Variants in ABHD17C observed in about 807,000 individuals in gnomAD.
The protein encoded by ABHD17C is abhydrolase domain containing 17C, depalmitoylase.
ABHD17C carries 11 observed loss-of-function variants against 27.9 expected under a neutral mutation model. The observed-to-expected ratio is 0.39, with a 90% confidence interval of 0.25 to 0.65. ABHD17C has a LOEUF of 0.65. Among genes scored for constraint, ABHD17C ranks in the 30% least tolerant of loss-of-function variants. The pLI, the probability that ABHD17C is intolerant of heterozygous loss-of-function variation, is 0.45. For missense variants in ABHD17C, 280 were observed against 470.2 expected (o/e 0.60, Z 3.74); for synonymous variants, 233 against 209.1 (o/e 1.11, Z -0.98).
At chr15:80,729,516 G>A (rs955439596) in intron 1 of ABHD17C, among the ~76,000 whole-genome samples, 7 of 152,060 alleles carry the variant, frequency 4.6e-5, no homozygotes, top group African/African-American at 1.7e-4. Context: ...TGTTAATACT[G>A]TATAGAAGAT....
chr15:80,742,294 G>A (rs1243802581), intron 1 of ABHD17C, among the ~76,000 whole-genome samples: 1 of 152,142 alleles, frequency 6.6e-6, no homozygotes, highest in Non-Finnish European at 1.5e-5. Context: ...GGAGCTGATG[G>A]TGCTGCATTC....
intron 1 of ABHD17C, among the ~76,000 whole-genome samples, chr15:80,740,860 G>A (rs1895199485): frequency 6.6e-6 from 1 of 152,116 alleles, no homozygotes; most frequent in Admixed American, 6.5e-5. Context: ...TAGTCTCACT[G>A]GTGAGAATGA....
intron 1 of ABHD17C, among the ~76,000 whole-genome samples, chr15:80,723,598 C>T (rs565700350): frequency 6.6e-6 from 1 of 152,344 alleles, no homozygotes; most frequent in East Asian, 1.9e-4. Context: ...CTAGTACACA[C>T]TAAATGACTC....
intron 1 of ABHD17C, among the ~76,000 whole-genome samples, chr15:80,719,034 T>TATTAGGTATTAGG (rs1164714347): frequency 6.6e-6 from 1 of 152,216 alleles, no homozygotes; most frequent in African/African-American, 2.4e-5. Context: ...TAAGATGTGT[T>TATTAGGTATTAGG]ATTAGGTATT....
chr15:80,723,380 G>A (rs1165653854), intron 1 of ABHD17C, among the ~76,000 whole-genome samples: 2 of 152,112 alleles, frequency 1.3e-5, no homozygotes, highest in Admixed American at 6.6e-5. Flanking sequence ...CTCCATGGGT[G>A]AGACTGTCCT....
intron 1 of ABHD17C, among the ~76,000 whole-genome samples, chr15:80,738,462 A>G (rs1485883111): frequency 6.6e-6 from 1 of 152,182 alleles, no homozygotes. Context: ...CGGGTTCACA[A>G]ACCAAACAGA....
chr15:80,705,333 T>G (rs901633550), intron 1 of ABHD17C, among the ~76,000 whole-genome samples: 2 of 106,822 alleles, frequency 1.9e-5, no homozygotes, highest in Non-Finnish European at 3.8e-5. Flanking sequence ...TTCCTATGAT[T>G]TGTGTGTGTG....
intron 1 of ABHD17C, among the ~76,000 whole-genome samples, chr15:80,708,472 C>T (rs760382507): frequency 1.1e-4 from 16 of 152,152 alleles, no homozygotes; most frequent in Admixed American, 2.0e-4. Context: ...TGTGCCACCA[C>T]GCCCAGCTAA....
chr15:80,734,622 A>G (rs1895103337), intron 1 of ABHD17C, among the ~76,000 whole-genome samples: 2 of 152,236 alleles, frequency 1.3e-5, no homozygotes, highest in Admixed American at 6.5e-5. Context: ...AAATGAAGTC[A>G]TCATGTCAGG....
chr15:80,696,168 G>A, intron 1 of ABHD17C, 149 bp downstream of exon 1: 1 of 884,730 alleles, frequency 1.1e-6, no homozygotes, highest in Non-Finnish European at 1.7e-6. Flanking sequence ...CCGTAAATTC[G>A]CTTTTCTTGT....
intron 1 of ABHD17C, chr15:80,702,894 A>G (rs1240474172): frequency 1.3e-5 from 2 of 152,244 alleles, no homozygotes; most frequent in African/African-American, 2.4e-5. Flanking sequence ...GATGTGATTC[A>G]AAAAAGACAA....
chr15:80,696,089 C>T, intron 1 of ABHD17C, 70 bp downstream of exon 1: 2 of 1,425,992 alleles, frequency 1.4e-6, no homozygotes, highest in Non-Finnish European at 1.9e-6. Flanking sequence ...TCTTGGGGCC[C>T]CTGGGGCGGC....
At chr15:80,742,144 A>G (rs983284620) in intron 1 of ABHD17C, among the ~76,000 whole-genome samples, 1 of 152,188 alleles carries the variant, frequency 6.6e-6, no homozygotes, top group African/African-American at 2.4e-5. Context: ...CTGTATATAC[A>G]TATATAAGAG....
At chr15:80,722,414 A>G (rs1450761510) in intron 1 of ABHD17C, among the ~76,000 whole-genome samples, 1 of 151,426 alleles carries the variant, frequency 6.6e-6, no homozygotes, top group Non-Finnish European at 1.5e-5. Flanking sequence ...TGTGATTGAC[A>G]TACAAAAAGC....
intron 1 of ABHD17C, among the ~76,000 whole-genome samples, chr15:80,705,367 G>GTGTGT (rs57722326): frequency 4.0e-5 from 6 of 150,262 alleles, no homozygotes; most frequent in East Asian, 2.0e-4. Flanking sequence ...GTGTGTGTGT[G>GTGTGT]GTTAGGAGCA....
intron 1 of ABHD17C, among the ~76,000 whole-genome samples, chr15:80,707,158 GA>G (rs1038602773): frequency 2.6e-5 from 4 of 152,192 alleles, no homozygotes; most frequent in African/African-American, 9.6e-5. Context: ...AAAAATTACA[GA>G]ATACCCAGTA....
At chr15:80,747,752 A>G (rs1596074256) in intron 1 of ABHD17C, among the ~76,000 whole-genome samples, 1 of 152,194 alleles carries the variant, frequency 6.6e-6, no homozygotes, top group East Asian at 1.9e-4. Flanking sequence ...TTGCAGGGCC[A>G]CACAGACACT....
intron 1 of ABHD17C, among the ~76,000 whole-genome samples, chr15:80,744,480 A>G (rs1224571629): frequency 6.6e-6 from 1 of 152,156 alleles, no homozygotes; most frequent in Non-Finnish European, 1.5e-5. Context: ...AGAATTATCT[A>G]CCTCCTTGGT....
intron 1 of ABHD17C, among the ~76,000 whole-genome samples, chr15:80,707,072 G>T (rs922651425): frequency 3.9e-5 from 6 of 152,334 alleles, no homozygotes; most frequent in East Asian, 1.9e-4. Context: ...TGCGCAGAAG[G>T]TCTGCTGAAA....
Sources: allele counts gnomAD v4.1 joint callset (sites outside exome capture counted in the v4.1 genomes callset), GRCh38; gene constraint gnomAD v4.1.1; transcripts MANE v1.5; gene names NCBI Gene and HGNC (gene_info 2026-07-23, HGNC 2026-07-21).